Variants in SMOC2 observed in about 807,000 individuals in gnomAD.
SMOC2 encodes SPARC-related modular calcium-binding protein 2.
In SMOC2, 39 loss-of-function variants were observed where a neutral mutation model predicts 61.4. The ratio of observed to expected loss-of-function variants is 0.64; its 90% CI spans 0.49 to 0.83. The LOEUF is 0.83. Ranked by LOEUF, SMOC2 falls within the 40% of genes least tolerant of loss-of-function variation. The pLI, the probability that SMOC2 is intolerant of heterozygous loss-of-function variation, is 0.00. For missense variants in SMOC2, 556 were observed against 592.9 expected (o/e 0.94, Z 0.65); for synonymous variants, 247 against 239.9 (o/e 1.03, Z -0.27).
intron 1 of SMOC2, among the ~76,000 whole-genome samples, chr6:168,462,468 T>C (rs1781737911): frequency 6.6e-6 from 1 of 152,026 alleles, no homozygotes; most frequent in African/African-American, 2.4e-5. Flanking sequence ...TTTAAAGTTT[T>C]CCCAGCTCTC....
intron 1 of SMOC2, among the ~76,000 whole-genome samples, chr6:168,445,050 C>G (rs554729933): frequency 1.3e-5 from 2 of 152,184 alleles, no homozygotes; most frequent in Non-Finnish European, 1.5e-5. Context: ...GTCATACGCA[C>G]GACTTCGTTA....
chr6:168,455,465 C>G (rs572396237), intron 1 of SMOC2, among the ~76,000 whole-genome samples: 2 of 152,162 alleles, frequency 1.3e-5, no homozygotes, highest in African/African-American at 4.8e-5. Context: ...GTGGGCGGCC[C>G]TCAAGTCCCG....
intron 2 of SMOC2, among the ~76,000 whole-genome samples, chr6:168,512,222 G>T (rs995659523): frequency 3.3e-5 from 5 of 152,050 alleles, no homozygotes; most frequent in African/African-American, 1.2e-4. Flanking sequence ...CTCTCCTGTG[G>T]GAAATGGAAA....
intron 11 of SMOC2, among the ~76,000 whole-genome samples, chr6:168,659,666 CTGGGTGAGGGTGGAGGTTG>C (rs1787439479): frequency 4.5e-3 from 184 of 40,502 alleles, no homozygotes; most frequent in Middle Eastern, 0.018. Flanking sequence ...AGGTTGTAGG[CTGGGTGAGGGTGGAGGTTG>C]TAGGTAGGGT....
intron 7 of SMOC2, among the ~76,000 whole-genome samples, chr6:168,591,734 G>GT (rs1442718353): frequency 3.3e-5 from 5 of 150,504 alleles, no homozygotes; most frequent in Admixed American, 2.0e-4. Flanking sequence ...TTCTATTTGC[G>GT]TCTTTTTCAG....
chr6:168,537,694 GA>G (rs2032481200), intron 4 of SMOC2, among the ~76,000 whole-genome samples: 2 of 152,256 alleles, frequency 1.3e-5, no homozygotes, highest in Admixed American at 6.5e-5. Context: ...CCCTGGGGCC[GA>G]GAGACATATG....
chr6:168,566,740 C>T (rs550018629), intron 7 of SMOC2, among the ~76,000 whole-genome samples: 2 of 152,218 alleles, frequency 1.3e-5, no homozygotes, highest in East Asian at 3.9e-4. Flanking sequence ...ACCTCATGAT[C>T]TGCCCGTCTC....
chr6:168,627,359 C>G (rs1786440053), intron 9 of SMOC2, among the ~76,000 whole-genome samples: 1 of 152,186 alleles, frequency 6.6e-6, no homozygotes, highest in Admixed American at 6.5e-5. Flanking sequence ...GAAGATTTCT[C>G]TCTTGTTTTA....
Position 168,545,366 on chromosome 6 carries a change from G to A in SMOC2, c.511+1694G>A, listed in dbSNP as rs138382345. 4.4e-3 allele frequency among the ~76,000 whole-genome samples: 664 copies of A among 152,282 alleles called. 3 individuals are homozygous for A. The highest frequency in any genetic ancestry group is 7.5e-3 in the Non-Finnish European group (511 of 68,024). ...TACGCAGAGGGGATACCTGGATTAA[G>A]CAACAGAGCTGGTTTCCAGACACAA... On this transcript the variant is annotated intron_variant, in intron 5 of 12. Coordinates refer to ENST00000356284, the MANE Select transcript of SMOC2 (RefSeq NM_001166412.2).
intron 4 of SMOC2, among the ~76,000 whole-genome samples, chr6:168,543,145 A>G (rs919122809): frequency 2.6e-5 from 4 of 152,234 alleles, no homozygotes; most frequent in African/African-American, 9.6e-5. Context: ...GTCACACATT[A>G]GTTAGTAGAT....
chr6:168,532,476 C>T (rs1483062085), intron 4 of SMOC2, among the ~76,000 whole-genome samples: 11 of 147,464 alleles, frequency 7.5e-5, no homozygotes, highest in Admixed American at 6.7e-4. Context: ...TTGCTGGGGG[C>T]AGGATTAGAG....
At position 168,485,745 on chromosome 6, in the gene SMOC2, G is replaced by A. The variant is rs557281178; in HGVS notation, c.85-24170G>A. 8.5e-5 allele frequency among the ~76,000 whole-genome samples: 13 copies of A among 152,136 alleles called. No individual in the cohort carries two copies. The South Asian group carries it at 1.2e-3, about 15-fold the overall frequency. On this transcript the variant is annotated intron_variant, in intron 1 of 12. Coordinates refer to ENST00000356284, the MANE Select transcript of SMOC2 (RefSeq NM_001166412.2). ...AGATGATGAAAAAAATTTTAATATC[G>A]ATTGTGTTAATAGTGTTGTGGAACT...
At chr6:168,473,529 G>A (rs531620978) in intron 1 of SMOC2, among the ~76,000 whole-genome samples, 2 of 152,302 alleles carry the variant, frequency 1.3e-5, no homozygotes, top group Admixed American at 6.5e-5. Context: ...GGAGCATGGT[G>A]CAGGTCTGGA....
intron 7 of SMOC2, among the ~76,000 whole-genome samples, chr6:168,583,901 G>A (rs537588846): frequency 3.7e-4 from 57 of 152,366 alleles, no homozygotes; most frequent in Middle Eastern, 3.4e-3. Flanking sequence ...GAGGGCGAGG[G>A]CCTTGCAGCC....
At chr6:168,645,124 A>G (rs1786989236) in intron 9 of SMOC2, among the ~76,000 whole-genome samples, 1 of 152,252 alleles carries the variant, frequency 6.6e-6, no homozygotes, top group South Asian at 2.1e-4. Flanking sequence ...AACTGGATTT[A>G]ATCGCAAAGG....
At chr6:168,498,395 G>A (rs1329187305) in intron 1 of SMOC2, among the ~76,000 whole-genome samples, 1 of 152,210 alleles carries the variant, frequency 6.6e-6, no homozygotes, top group African/African-American at 2.4e-5. Flanking sequence ...GCTATTCCAG[G>A]GAACCCTAAG....
At chr6:168,621,942 T>C (rs577528308) in intron 9 of SMOC2, among the ~76,000 whole-genome samples, 1 of 152,058 alleles carries the variant, frequency 6.6e-6, no homozygotes, top group South Asian at 2.1e-4. Flanking sequence ...ATTGTTGTCT[T>C]TGGAATTTCT....
At chr6:168,592,633 C>T (rs1346058354) in intron 7 of SMOC2, among the ~76,000 whole-genome samples, 1 of 139,934 alleles carries the variant, frequency 7.1e-6, no homozygotes, top group African/African-American at 2.8e-5. Context: ...GCTTCACGGG[C>T]ATCTTTCTAG....
chr6:168,489,516 C>A (rs1305095635), intron 1 of SMOC2, among the ~76,000 whole-genome samples: 1 of 149,856 alleles, frequency 6.7e-6, no homozygotes, highest in African/African-American at 2.5e-5. Flanking sequence ...TCGTCTGGGT[C>A]CCCTTGGATC....
Sources: gnomAD v4.1 joint callset for allele counts (sites outside exome capture counted in the v4.1 genomes callset) on GRCh38, gnomAD v4.1.1 for gene constraint, MANE v1.5 for transcripts, NCBI Gene and HGNC (gene_info 2026-07-23, HGNC 2026-07-21) for gene names.